The following TTC28 variants were observed in gnomAD, a reference collection of about 807,000 sequenced individuals.
The protein encoded by TTC28 is tetratricopeptide repeat protein 28.
TTC28 carries 61 observed loss-of-function variants against 198.0 expected under a neutral mutation model. The observed-to-expected ratio is 0.31, with a 90% CI of 0.25 to 0.38. The LOEUF is 0.38. Among genes scored for constraint, TTC28 ranks in the 10% least tolerant of loss-of-function variants. TTC28 has a pLI of 1.00. For missense variants in TTC28, 2,678 were observed against 3,164.0 expected (o/e 0.85, Z 3.69); for synonymous variants, 1,171 against 1,297.8 (o/e 0.90, Z 2.10).
intron 6 of TTC28, among the ~76,000 whole-genome samples, chr22:28,118,110 A>C (rs1942682082): frequency 6.6e-6 from 1 of 152,152 alleles, no homozygotes; most frequent in African/African-American, 2.4e-5. Flanking sequence ...TTAAAAAAAG[A>C]ATTATGGGCC....
chr22:28,107,606 C>A lies in TTC28; in HGVS notation c.2239G>T (p.Val747Leu). 6.4e-7 allele frequency: 1 copy of A among 1,551,784 alleles called. No individual in the cohort carries two copies. Among genetic ancestry groups the A allele is most frequent in the Non-Finnish European group, 8.7e-7 (1 of 1,147,016 alleles). The change falls in exon 7 of 23, where the codon GTA becomes TTA. Residue 747 changes from valine (V) to leucine (L), a missense_variant. Coordinates refer to ENST00000397906, the MANE Select transcript of TTC28 (RefSeq NM_001145418.2). ...CTGGCTTCTAATCTTCTGTCCTTTA[C>A]CTGGTGAGCTAAGCCCAGTTGCTGC... ...YEQQLGLAHQVKDRRLEASAY... is the reference protein window; with the variant it reads ...YEQQLGLAHQLKDRRLEASAY...
chr22:28,105,854 C>T lies in TTC28; in HGVS notation c.2784-52G>A, dbSNP rs1601625102. 2.7e-6 allele frequency: 4 copies of T among 1,483,864 alleles called. No individual in the cohort carries two copies. In the African/African-American group the frequency reaches 4.2e-5, roughly 16 times the overall value. The allele number at this position is 1,483,864 out of a possible 1,614,324, so 91.9% of individuals were successfully genotyped here. ...TGATATTATTTCATGCAGGTGCAGACATGCTAAAGCCCCTGAGAAAATGAA... is the reference window on the plus strand; with the variant it reads ...TGATATTATTTCATGCAGGTGCAGATATGCTAAAGCCCCTGAGAAAATGAA... On this transcript the variant is annotated intron_variant, in intron 7 of 22. Transcript: ENST00000397906.
intron 2 of TTC28, among the ~76,000 whole-genome samples, chr22:28,377,605 A>G (rs758054434): frequency 1.1e-4 from 16 of 152,070 alleles, no homozygotes; most frequent in Non-Finnish European, 1.8e-4. Flanking sequence ...TCCCAGTGAA[A>G]ACTCTTCCCA....
chr22:28,661,418 C>A (rs1232571084), intron 1 of TTC28, among the ~76,000 whole-genome samples: 1 of 152,026 alleles, frequency 6.6e-6, no homozygotes, highest in Non-Finnish European at 1.5e-5. Context: ...TTATAACATT[C>A]ATTTATTCAT....
intron 7 of TTC28, 127 bp from the exon 8 acceptor site, chr22:28,105,929 G>T: frequency 8.6e-7 from 1 of 1,165,596 alleles, no homozygotes; most frequent in Non-Finnish European, 1.2e-6. Flanking sequence ...TCCTCTTCTA[G>T]CTAAAATCTA....
chr22:28,428,141 A>C (rs1376380282), intron 2 of TTC28, among the ~76,000 whole-genome samples: 1 of 150,994 alleles, frequency 6.6e-6, no homozygotes, highest in Non-Finnish European at 1.5e-5. Context: ...AAAAAAAAAG[A>C]GGTAGCACTC....
intron 1 of TTC28, among the ~76,000 whole-genome samples, chr22:28,661,904 G>A (rs1032996972): frequency 2.6e-5 from 4 of 151,852 alleles, no homozygotes; most frequent in Non-Finnish European, 4.4e-5. Flanking sequence ...ACTGCACCTG[G>A]CCTAAAAAAT....
intron 5 of TTC28, among the ~76,000 whole-genome samples, chr22:28,231,377 TTTG>T (rs1168796834): frequency 1.3e-5 from 2 of 152,246 alleles, no homozygotes; most frequent in East Asian, 3.8e-4. Context: ...TTTGTTTTGT[TTTG>T]TTTTGTTTTT....
intron 2 of TTC28, among the ~76,000 whole-genome samples, chr22:28,571,745 T>G (rs1264481233): frequency 2.6e-5 from 4 of 151,240 alleles, no homozygotes; most frequent in Admixed American, 6.6e-5. Flanking sequence ...GGTCAGGAGT[T>G]CGAGGCCAGC....
At chr22:28,523,113 T>C (rs781479094) in intron 2 of TTC28, among the ~76,000 whole-genome samples, 1 of 152,016 alleles carries the variant, frequency 6.6e-6, no homozygotes, top group Non-Finnish European at 1.5e-5. Flanking sequence ...GCAAGAGATA[T>C]ACTTTAAATA....
chr22:28,110,562 T>C (rs59295696), intron 6 of TTC28, among the ~76,000 whole-genome samples: 1 of 152,194 alleles, frequency 6.6e-6, no homozygotes, highest in Non-Finnish European at 1.5e-5. Context: ...ATATTTTTTA[T>C]GAGTAAAATA....
chr22:27,983,070 C>T lies in TTC28; in HGVS notation c.6597G>A (p.Ala2199=), dbSNP rs5762431. The part of the protein sequence containing the change: ...KSNNPEDGVQ[A]PSSTAVFRAS... ...CTCTGAAGACAGCAGTGCTGCTGGG[C>T]GCCTGAACGCCGTCTTCAGGGTTAT... Residue 2199 remains alanine (A), a synonymous_variant, in exon 23 of 23, where the codon GCG becomes GCA. Coordinates refer to ENST00000397906, the MANE Select transcript of TTC28 (RefSeq NM_001145418.2). 1.8e-3 allele frequency: 2,830 copies of T among 1,551,658 alleles called. 47 individuals are homozygous for T. The East Asian group carries it at 0.037, about 20-fold the overall frequency.
chr22:28,211,975 C>G (rs978768235), intron 5 of TTC28, among the ~76,000 whole-genome samples: 4 of 152,178 alleles, frequency 2.6e-5, no homozygotes, highest in African/African-American at 9.7e-5. Flanking sequence ...AAGAAACTCA[C>G]TCAAAACCGC....
chr22:28,001,508 T>A lies in TTC28; in HGVS notation c.4264A>T (p.Ile1422Phe), dbSNP rs927807422. 6.4e-7 allele frequency: 1 copy of A among 1,551,346 alleles called. No individual in the cohort carries two copies. Among genetic ancestry groups the A allele is most frequent in the Non-Finnish European group, 8.7e-7 (1 of 1,146,930 alleles). Residue 1422 changes from isoleucine to phenylalanine, a missense_variant, in exon 15 of 23, where the codon ATC (isoleucine) becomes TTC (phenylalanine). By Grantham distance (21) the Ile-to-Phe change is conservative. Coordinates refer to ENST00000397906, the MANE Select transcript of TTC28 (RefSeq NM_001145418.2). ...SGPVGRHRQL[I>F]LVLEGELYLI... ...TAGAGCTCCCCCTCCAGAACCAGGATGAGCTGCCGGTGCCGGCCCACGGGG... is the reference window on the plus strand; with the variant it reads ...TAGAGCTCCCCCTCCAGAACCAGGAAGAGCTGCCGGTGCCGGCCCACGGGG...
At chr22:28,069,338 AC>A (rs1940875184) in intron 12 of TTC28, among the ~76,000 whole-genome samples, 1 of 152,194 alleles carries the variant, frequency 6.6e-6, no homozygotes. Context: ...AACAGAGACT[AC>A]AATCAGCACC....
intron 2 of TTC28, among the ~76,000 whole-genome samples, chr22:28,603,570 T>C (rs2050678257): frequency 6.6e-6 from 1 of 152,070 alleles, no homozygotes; most frequent in Non-Finnish European, 1.5e-5. Flanking sequence ...TTTTAAATTA[T>C]TTTTTGTAGA....
At chr22:28,636,737 TAG>T (rs1316147474) in intron 1 of TTC28, among the ~76,000 whole-genome samples, 3 of 152,152 alleles carry the variant, frequency 2.0e-5, no homozygotes, top group African/African-American at 7.2e-5. Flanking sequence ...TTATTTGCTA[TAG>T]AGTTGTATGA....
At chr22:28,598,060 C>T (rs916950481) in intron 2 of TTC28, among the ~76,000 whole-genome samples, 1 of 152,008 alleles carries the variant, frequency 6.6e-6, no homozygotes, top group Non-Finnish European at 1.5e-5. Flanking sequence ...CAAGGAACTT[C>T]CACATACACA....
intron 12 of TTC28, among the ~76,000 whole-genome samples, chr22:28,080,697 C>A (rs773094309): frequency 1.3e-5 from 2 of 152,104 alleles, no homozygotes; most frequent in African/African-American, 4.8e-5. Flanking sequence ...TTGAAGTAGT[C>A]CCTTTTCTCT....
Sources: gnomAD v4.1 joint callset for allele counts (sites outside exome capture counted in the v4.1 genomes callset) on GRCh38, gnomAD v4.1.1 for gene constraint, MANE v1.5 for transcripts, NCBI Gene and HGNC (gene_info 2026-07-23, HGNC 2026-07-21) for gene names.